The following PDE10A variants were observed in gnomAD, a reference collection of about 807,000 sequenced individuals.
PDE10A encodes phosphodiesterase 10A.
PDE10A carries 39 observed loss-of-function variants against 97.7 expected under a neutral mutation model. The ratio of observed to expected loss-of-function variants is 0.40; its 90% confidence interval spans 0.31 to 0.52. The LOEUF is 0.52. PDE10A is among the 20% of genes least tolerant of loss of function. PDE10A has a pLI of 0.56. For missense variants in PDE10A, 731 were observed against 1,047.8 expected (o/e 0.70, Z 4.17); for synonymous variants, 371 against 376.8 (o/e 0.98, Z 0.18).
intron 2 of PDE10A, among the ~76,000 whole-genome samples, chr6:165,528,600 T>C (rs1782586855): frequency 6.6e-6 from 1 of 152,238 alleles, no homozygotes; most frequent in African/African-American, 2.4e-5. Context: ...GGTTTGCCTA[T>C]CCTGCATGCA....
chr6:165,423,270 T>C (rs1340889993), intron 10 of PDE10A, among the ~76,000 whole-genome samples: 1 of 152,142 alleles, frequency 6.6e-6, no homozygotes, highest in African/African-American at 2.4e-5. Flanking sequence ...TCACACTAAT[T>C]TGAGTTAAGT....
intron 1 of PDE10A, among the ~76,000 whole-genome samples, chr6:165,866,419 T>TTTTTTTTTTTTTTTTTTTTTTTTTTTTGA (rs1163019239): frequency 6.6e-6 from 1 of 151,382 alleles, no homozygotes; most frequent in East Asian, 1.9e-4. Flanking sequence ...AATGAATTTC[T>TTTTTTTTTTTTTTTTTTTTTTTTTTTTGA]GTTAATTCAT....
chr6:165,690,350 C>G (rs1267831132), intron 1 of PDE10A, among the ~76,000 whole-genome samples: 2 of 152,216 alleles, frequency 1.3e-5, no homozygotes, highest in Non-Finnish European at 2.9e-5. Context: ...GGCTGCTCAT[C>G]ACCTTTCTTC....
At chr6:165,665,616 A>G (rs891567152), upstream of PDE10A, among the ~76,000 whole-genome samples, 3 of 152,088 alleles carry the variant, frequency 2.0e-5, no homozygotes, top group African/African-American at 7.2e-5. Context: ...GCAGAAATTC[A>G]CAATGTTGCA....
At chr6:165,398,947 T>C (rs1786410730) in intron 13 of PDE10A, among the ~76,000 whole-genome samples, 2 of 152,148 alleles carry the variant, frequency 1.3e-5, no homozygotes, top group African/African-American at 4.8e-5. Context: ...CTACTCGAAC[T>C]ATAAAGACAT....
chr6:165,410,665 G>A (rs1258626964), intron 13 of PDE10A, among the ~76,000 whole-genome samples: 1 of 152,028 alleles, frequency 6.6e-6, no homozygotes, highest in Middle Eastern at 3.2e-3. Context: ...AAGTGCAGAC[G>A]GTTAATAGGC....
At chr6:165,741,058 A>G (rs999854839) in intron 1 of PDE10A, among the ~76,000 whole-genome samples, 10 of 152,146 alleles carry the variant, frequency 6.6e-5, no homozygotes, top group African/African-American at 2.4e-4. Flanking sequence ...TGTGGTGACT[A>G]TAGTTAATAA....
intron 18 of PDE10A, among the ~76,000 whole-genome samples, chr6:165,377,274 C>A (rs532324030): frequency 1.3e-5 from 2 of 152,224 alleles, no homozygotes; most frequent in African/African-American, 4.8e-5. Flanking sequence ...CGCACACACA[C>A]ACCCCTACCT....
chr6:165,526,127 C>T (rs1782430411), intron 2 of PDE10A, among the ~76,000 whole-genome samples: 1 of 152,136 alleles, frequency 6.6e-6, no homozygotes, highest in Admixed American at 6.5e-5. Flanking sequence ...AGACCTCCGG[C>T]CTTTTACCAA....
chr6:165,588,880 G>A (rs1024693477), intron 1 of PDE10A, among the ~76,000 whole-genome samples: 19 of 152,122 alleles, frequency 1.2e-4, no homozygotes, highest in Admixed American at 1.3e-4. Flanking sequence ...GGTAATTAAT[G>A]TTAAGACTCT....
intron 13 of PDE10A, among the ~76,000 whole-genome samples, chr6:165,406,605 G>A (rs533816138): frequency 5.9e-5 from 9 of 151,924 alleles, no homozygotes; most frequent in African/African-American, 1.2e-4. Flanking sequence ...TAACCTCACC[G>A]TCTTTGATGG....
In PDE10A at chr6:165,671,654, A is replaced by C. The variant is rs10946092; in HGVS notation, c.-614-128086T>G. Among the ~76,000 whole-genome samples, 1 of 152,068 alleles carries C rather than the reference A, an allele frequency of 6.6e-6. No individual in the cohort carries two copies. Among genetic ancestry groups the C allele is most frequent in the Non-Finnish European group, 1.5e-5 (1 of 68,028 alleles). ...GATTTAGGCTCGTTTTATAGATTTC[A>C]CACACATGGATTATAAAACGGATGA... On this transcript the variant is annotated intron_variant, in intron 1 of 19. Transcript: ENST00000366882. This position sits in a 1 kb window ranked among gnomAD's most constrained non-coding sequence, Gnocchi z 4.6.
chr6:165,966,498 C>G (rs551533656), intron 1 of PDE10A, among the ~76,000 whole-genome samples: 4 of 152,316 alleles, frequency 2.6e-5, no homozygotes, highest in Admixed American at 2.0e-4. Context: ...TTCCAGGCCT[C>G]GCAGCCCAGC....
intron 1 of PDE10A, among the ~76,000 whole-genome samples, chr6:165,787,134 C>A (rs1006924259): frequency 6.6e-6 from 1 of 151,138 alleles, no homozygotes; most frequent in Non-Finnish European, 1.5e-5. Flanking sequence ...CTTAAAGAAG[C>A]GAGATAAAAT....
chr6:165,349,316 G>A (rs1385353875), intron 18 of PDE10A, among the ~76,000 whole-genome samples: 4 of 152,240 alleles, frequency 2.6e-5, no homozygotes, highest in Non-Finnish European at 1.5e-5. Flanking sequence ...TGGTCCAGGT[G>A]GTCTCAGATG....
rs147598205 is a variant in PDE10A, at chr6:165,496,758, C to T, written c.995-14415G>A. ...AGATAATAATATTTTGCATACAGAA[C>T]ATTTTTATTTGGTCACAAAAAGAGT... On this transcript the variant is annotated intron_variant, in intron 2 of 21. Transcript: ENST00000539869. Among the ~76,000 whole-genome samples the T allele has an allele frequency of 1.7e-3, 261 of 152,282 alleles. 1 individual carries two copies. Among genetic ancestry groups the T allele is most frequent in the African/African-American group, 5.9e-3 (247 of 41,572 alleles).
chr6:165,541,513 A>G (rs1015285188), intron 2 of PDE10A, among the ~76,000 whole-genome samples: 43 of 152,218 alleles, frequency 2.8e-4, no homozygotes, highest in Non-Finnish European at 2.4e-4. Context: ...TTTTTATGGT[A>G]GCACTACAAT....
At chr6:165,480,511 G>A (rs573408071) in intron 3 of PDE10A, among the ~76,000 whole-genome samples, 24 of 151,894 alleles carry the variant, frequency 1.6e-4, no homozygotes, top group South Asian at 1.0e-3. Context: ...ATCTGAACTC[G>A]GGCAGTCAAG....
intron 17 of PDE10A, 142 bp from the exon 18 acceptor site, chr6:165,379,508 T>C: frequency 1.6e-6 from 1 of 616,874 alleles, no homozygotes; most frequent in African/African-American, 1.9e-5. Flanking sequence ...TTTGTTTTTT[T>C]TGAATAGTTA....
Sources: allele counts gnomAD v4.1 joint callset (sites outside exome capture counted in the v4.1 genomes callset), GRCh38; gene constraint gnomAD v4.1.1; non-coding constraint Gnocchi (gnomAD v3.1); transcripts MANE v1.5; gene names NCBI Gene and HGNC (gene_info 2026-07-23, HGNC 2026-07-21).